UCK2: variants seen among roughly 807,000 people sequenced by gnomAD.
UCK2 encodes cytidine monophosphokinase 2.
A neutral mutation model predicts 30.8 loss-of-function variants in UCK2; 6 were observed. The ratio of observed to expected loss-of-function variants is 0.19; its 90% CI spans 0.11 to 0.38. UCK2 has a LOEUF of 0.38. Ranked by LOEUF, UCK2 falls within the 10% of genes least tolerant of loss-of-function variation. UCK2 has a pLI of 1.00. For missense variants in UCK2, 210 were observed against 339.8 expected (o/e 0.62, Z 3.00); for synonymous variants, 125 against 133.6 (o/e 0.94, Z 0.45).
At chr1:165,839,538 G>GT (rs1306430086) in intron 1 of UCK2, among the ~76,000 whole-genome samples, 1 of 152,044 alleles carries the variant, frequency 6.6e-6, no homozygotes, top group Non-Finnish European at 1.5e-5. Context: ...AGTTTAAGGT[G>GT]TTTTTTTGGT....
intron 1 of UCK2, among the ~76,000 whole-genome samples, chr1:165,868,368 A>C (rs1378264335): frequency 6.6e-6 from 1 of 152,220 alleles, no homozygotes; most frequent in Non-Finnish European, 1.5e-5. Context: ...TGAAGCTTTG[A>C]AGTCAGGCAT....
intron 1 of UCK2, among the ~76,000 whole-genome samples, chr1:165,872,359 G>A (rs1274584927): frequency 6.6e-6 from 1 of 152,188 alleles, no homozygotes; most frequent in Non-Finnish European, 1.5e-5. Context: ...ACAGGTGTGA[G>A]CCACCATGCC....
intron 1 of UCK2, among the ~76,000 whole-genome samples, chr1:165,849,353 C>G (rs1418556343): frequency 6.6e-6 from 1 of 152,134 alleles, no homozygotes. Context: ...AACATTGTCT[C>G]TATGTAGTGC....
chr1:165,872,404 C>G (rs1257226485), intron 1 of UCK2, among the ~76,000 whole-genome samples: 2 of 152,220 alleles, frequency 1.3e-5, no homozygotes, highest in East Asian at 3.9e-4. Flanking sequence ...GATGTTTACC[C>G]TCACTTAAAA....
intron 1 of UCK2, among the ~76,000 whole-genome samples, chr1:165,880,565 GGGTGTGTGT>G (rs1655466229): frequency 3.8e-4 from 2 of 5,318 alleles, no homozygotes; most frequent in African/African-American, 2.3e-3. Context: ...TTTTTTTTGG[GGGTGTGTGT>G]GTGTGTGTGT....
chr1:165,890,166 T>G (rs1306963855), intron 1 of UCK2, 38 bp from the exon 2 acceptor site: 1 of 1,611,652 alleles, frequency 6.2e-7, no homozygotes. Context: ...ACACGTGCCC[T>G]TTCTCTTATT....
At chr1:165,879,634 C>T (rs1277210977) in intron 1 of UCK2, among the ~76,000 whole-genome samples, 1 of 151,578 alleles carries the variant, frequency 6.6e-6, no homozygotes, top group Non-Finnish European at 1.5e-5. Context: ...ACTTACTCCT[C>T]CTTATACAGT....
intron 1 of UCK2, among the ~76,000 whole-genome samples, chr1:165,865,093 G>A (rs1309879434): frequency 1.3e-5 from 2 of 152,140 alleles, no homozygotes; most frequent in African/African-American, 2.4e-5. Context: ...ATGTCCTTTG[G>A]TAGCTGTACA....
intron 1 of UCK2, among the ~76,000 whole-genome samples, chr1:165,838,031 T>A (rs964432619): frequency 1.3e-5 from 2 of 152,224 alleles, no homozygotes; most frequent in Admixed American, 1.3e-4. Context: ...TGGACTGTAG[T>A]CTTCAAACAT....
intron 1 of UCK2, chr1:165,885,088 T>C: frequency 3.2e-6 from 1 of 314,082 alleles, no homozygotes; most frequent in East Asian, 4.7e-5. Context: ...AAAACAGTAT[T>C]ATATTTCTCA....
intron 1 of UCK2, among the ~76,000 whole-genome samples, chr1:165,835,507 C>T (rs1654166066): frequency 6.6e-6 from 1 of 151,964 alleles, no homozygotes; most frequent in African/African-American, 2.4e-5. Context: ...GGCCCCATCA[C>T]ATATTTTTGA....
At chr1:165,878,628 G>A (rs568282287) in intron 1 of UCK2, among the ~76,000 whole-genome samples, 1 of 152,312 alleles carries the variant, frequency 6.6e-6, no homozygotes, top group Admixed American at 6.5e-5. Flanking sequence ...ACAGGCGTAA[G>A]CCACCGTGCC....
At chr1:165,907,085 C>G (rs758766194) in intron 6 of UCK2, among the ~76,000 whole-genome samples, 1 of 152,156 alleles carries the variant, frequency 6.6e-6, no homozygotes, top group East Asian at 1.9e-4. Context: ...CTTATACAGT[C>G]TGAAGGAATT....
intron 1 of UCK2, among the ~76,000 whole-genome samples, chr1:165,878,260 G>A (rs1238689426): frequency 1.3e-5 from 2 of 151,566 alleles, no homozygotes; most frequent in African/African-American, 4.8e-5. Context: ...TTTCAGATTA[G>A]CTTCTTTCAC....
intron 1 of UCK2, among the ~76,000 whole-genome samples, chr1:165,881,545 T>C (rs1655501803): frequency 6.6e-6 from 1 of 152,232 alleles, no homozygotes; most frequent in Non-Finnish European, 1.5e-5. Context: ...CGTTTGACTT[T>C]GGTCCGAGTC....
rs751519937 is a variant in UCK2, at chr1:165,896,304, A to G, written c.471A>G (p.Thr157=). Residue 157 remains threonine (T), a synonymous_variant, in exon 4 of 7, where the codon ACA becomes ACG. Coordinates refer to ENST00000367879, the MANE Select transcript of UCK2 (RefSeq NM_012474.5). Reference sequence around the variant, plus strand: ...TCCAGATGAAGCTTTTTGTGGATACAGATGCGGACACCCGGCTCTCACGCA... The same window carrying G: ...TCCAGATGAAGCTTTTTGTGGATACGGATGCGGACACCCGGCTCTCACGCA... The part of the protein sequence containing the change: ...DLFQMKLFVD[T]DADTRLSRRV... 4.2e-5 allele frequency: 67 copies of G among 1,614,210 alleles called. 4 individuals carry two copies. The highest frequency in any genetic ancestry group is 3.6e-4 in the South Asian group (33 of 91,084).
chr1:165,888,679 C>T (rs1247048394), intron 1 of UCK2, among the ~76,000 whole-genome samples: 11 of 114,376 alleles, frequency 9.6e-5, no homozygotes, highest in Non-Finnish European at 1.5e-4. Flanking sequence ...GATGGGGTCT[C>T]ACTGTGTTGC....
rs114126909 is a variant in UCK2, at chr1:165,863,776, C to T, written c.100-26428C>T. On this transcript the variant is annotated intron_variant, in intron 1 of 6. Transcript: ENST00000367879. The stretch of plus-strand genomic sequence containing the variant: ...AGCAATACAGAATATTAGTAGTAGA[C>T]TCATGGAGGTCATCTAGTGGTTTCT... Among the ~76,000 whole-genome samples the T allele has an allele frequency of 1.8e-3, 271 of 152,298 alleles. 1 individual carries two copies. Among genetic ancestry groups the T allele is most frequent in the African/African-American group, 6.3e-3 (263 of 41,554 alleles).
At chr1:165,851,147 CTGTCT>C (rs1654587081) in intron 1 of UCK2, among the ~76,000 whole-genome samples, 1 of 152,140 alleles carries the variant, frequency 6.6e-6, no homozygotes, top group Non-Finnish European at 1.5e-5. Flanking sequence ...CCTGTTATCT[CTGTCT>C]TGTCTTTAGA....
Sources: allele counts gnomAD v4.1 joint callset (sites outside exome capture counted in the v4.1 genomes callset), GRCh38; gene constraint gnomAD v4.1.1; transcripts MANE v1.5; gene names NCBI Gene and HGNC (gene_info 2026-07-23, HGNC 2026-07-21).